NKX1-2: variants seen among roughly 807,000 people sequenced by gnomAD.
NKX1-2 encodes NK1 homeobox 2.
A neutral mutation model predicts 4.4 loss-of-function variants in NKX1-2; 1 was observed. The ratio of observed to expected loss-of-function variants is 0.23; its 90% CI spans 0.08 to 1.08. NKX1-2 has a LOEUF of 1.08. NKX1-2 is among the 50% of genes least tolerant of loss of function. The pLI, the probability that NKX1-2 is intolerant of heterozygous loss-of-function variation, is 0.55. For synonymous variants in NKX1-2, 235 were observed against 228.0 expected, an observed-to-expected ratio of 1.03 and a Z score of -0.28; for missense variants, 503 against 464.6, an observed-to-expected ratio of 1.08 and a Z score of -0.76.
In NKX1-2 at chr10:124,447,502, G is replaced by T. The variant is rs535091644; in HGVS notation, c.860C>A (p.Ala287Asp). 7.9e-7 allele frequency: 1 copy of T among 1,272,064 alleles called. No homozygotes were observed. Among genetic ancestry groups the T allele is most frequent in the Admixed American group, 4.1e-5 (1 of 24,318 alleles). The allele number at this position is 1,272,064 out of a possible 1,614,324, so 78.8% of individuals were successfully genotyped here. A position where few individuals can be genotyped will look rare whatever the true frequency, so the allele number is the denominator to read the frequency against. The change falls in exon 2 of 2, where the codon GCC becomes GAC. Residue 287 changes from alanine (A) to aspartate (D), a missense_variant. By Grantham distance (126) the Ala-to-Asp change is moderately radical (BLOSUM62 -2). Transcript: ENST00000451024. ...CGGCGCGAAAGGGCTCCCGGGGGCG[G>T]CAGCCGTCAGCGGGAAGGAGGCGGC... is the stretch of plus-strand genomic sequence containing the variant. ...PSAASFPLTAAAPGSPFAPFL... is the reference protein window; with the variant it reads ...PSAASFPLTADAPGSPFAPFL...
rs1383849167 is a variant in NKX1-2 at position 124,449,471 on chromosome 10, C to T, written c.214+259G>A. 4.4e-6 allele frequency: 3 copies of T among 687,668 alleles called. No individual in the cohort carries two copies. In the East Asian group the frequency reaches 8.3e-5, roughly 19 times the overall value. 42.6% of individuals were successfully genotyped at this position (687,668 alleles called of 1,614,324 possible). ...AGACAGGCGCCAGGTAAGTTTCCAC[C>T]GCGAGCATCAGAACTGTGGTGCGGG... On this transcript the variant is annotated intron_variant, in intron 1 of 1. Coordinates refer to ENST00000451024, the MANE Select transcript of NKX1-2 (RefSeq NM_001146340.3). The surrounding 1 kb of genome is among the most constrained non-coding windows in gnomAD (Gnocchi z 7.5).
rs1196472951 is a variant in NKX1-2 at position 124,449,598 on chromosome 10, C to A, written c.214+132G>T. 3.0e-5 allele frequency: 23 copies of A among 756,868 alleles called. No homozygotes were observed. Among genetic ancestry groups the A allele is most frequent in the Non-Finnish European group, 6.9e-6 (3 of 435,212 alleles). The allele number at this position is 756,868 out of a possible 1,614,324, so 46.9% of individuals were successfully genotyped here. On this transcript the variant is annotated intron_variant, in intron 1 of 1. Transcript: ENST00000451024. This position sits in a 1 kb window ranked among gnomAD's most constrained non-coding sequence, Gnocchi z 7.5. ...AGTCCGAGGCGGGGGCTACACTTCGCACCCGGTCCCGTGCGCCTTCTCTCT... is the reference window on the plus strand; with the variant it reads ...AGTCCGAGGCGGGGGCTACACTTCGAACCCGGTCCCGTGCGCCTTCTCTCT...
rs1381785290 is a variant in NKX1-2, at chr10:124,445,656, A to G, written c.*1773T>C. ...CCGAAGTGTAAGGTGAATATTATCT[A>G]GTAGAGTAACTGCATTTTTAATCTC... On this transcript the variant is annotated 3_prime_UTR_variant, in exon 2 of 2. Transcript: ENST00000451024. 15 of 152,248 alleles carry G rather than the reference A, an allele frequency of 9.9e-5. No individual in the cohort carries two copies. Among genetic ancestry groups the G allele is most frequent in the Non-Finnish European group, 2.9e-5 (2 of 68,044 alleles). 9.4% of individuals were successfully genotyped at this position (152,248 alleles called of 1,614,324 possible).
In NKX1-2 at chr10:124,449,613, G is replaced by A; in HGVS notation, c.214+117C>T. The A allele has an allele frequency of 1.2e-6, 1 of 805,488 alleles. No individual in the cohort carries two copies. The highest frequency in any genetic ancestry group is 2.1e-6 in the Non-Finnish European group (1 of 478,884). 49.9% of individuals were successfully genotyped at this position (805,488 alleles called of 1,614,324 possible). On this transcript the variant is annotated intron_variant, in intron 1 of 1. Transcript: ENST00000451024. This position sits in a 1 kb window ranked among gnomAD's most constrained non-coding sequence, Gnocchi z 7.5. ...CTACACTTCGCACCCGGTCCCGTGC[G>A]CCTTCTCTCTGAGGAAGACGCTGTT...
chr10:124,448,241 A>C lies in NKX1-2; in HGVS notation c.215-94T>G. On this transcript the variant is annotated intron_variant, in intron 1 of 1. Coordinates refer to ENST00000451024, the MANE Select transcript of NKX1-2 (RefSeq NM_001146340.3). The surrounding 1 kb of genome is among the most constrained non-coding windows in gnomAD (Gnocchi z 4.1). ...AGCAAGCAGCTGTCCCCCCAACCCA[A>C]CTCTGGGTGCTGCTCCTGTCCCCAC... 1 of 1,333,740 alleles carries C rather than the reference A, an allele frequency of 7.5e-7. No homozygotes were observed. Among genetic ancestry groups the C allele is most frequent in the Non-Finnish European group, 9.6e-7 (1 of 1,046,188 alleles). 82.6% of individuals were successfully genotyped at this position (1,333,740 alleles called of 1,614,324 possible). A position where few individuals can be genotyped will look rare whatever the true frequency, so the allele number is the denominator to read the frequency against.
Position 124,445,788 on chromosome 10 carries a change from C to T in NKX1-2, c.*1641G>A, listed in dbSNP as rs1952232868. On this transcript the variant is annotated 3_prime_UTR_variant, in exon 2 of 2. Transcript: ENST00000451024. Reference sequence around the variant, plus strand: ...GTGGATATTAAGTAATTAAATAATACATACTATCAAATATTATGAGAGTCA... The same window carrying T: ...GTGGATATTAAGTAATTAAATAATATATACTATCAAATATTATGAGAGTCA... The T allele has an allele frequency of 6.6e-6, 1 of 152,138 alleles. No individual in the cohort carries two copies. The highest frequency in any genetic ancestry group is 2.1e-4 in the South Asian group (1 of 4,826). 9.4% of individuals were successfully genotyped at this position (152,138 alleles called of 1,614,324 possible).
At position 124,447,943 on chromosome 10, in the gene NKX1-2, C is replaced by A. The variant is rs1411760207; in HGVS notation, c.419G>T (p.Arg140Met). 5 of 1,390,940 alleles carry A rather than the reference C, an allele frequency of 3.6e-6. No individual in the cohort carries two copies. The South Asian group carries it at 4.9e-5, about 14-fold the overall frequency. The allele number at this position is 1,390,940 out of a possible 1,614,324, so 86.2% of individuals were successfully genotyped here. Residue 140 changes from arginine (R) to methionine (M), a missense_variant, in exon 2 of 2, where the codon AGG becomes ATG. Transcript: ENST00000451024. ...PCEDGGGGPV[R>M]SPPGSPGSPR... ...GGAGCCGGGGGATCCCGGGGGGGAC[C>A]TCACAGGGCCGCCCCCGCCGTCCTC...
rs1952261892 is a variant in NKX1-2, at chr10:124,448,029, C to T, written c.333G>A (p.Leu111=). 1 of 1,515,404 alleles carries T rather than the reference C, an allele frequency of 6.6e-7. No homozygotes were observed. The highest frequency in any genetic ancestry group is 8.8e-7 in the Non-Finnish European group (1 of 1,137,248). 93.9% of individuals were successfully genotyped at this position (1,515,404 alleles called of 1,614,324 possible). The change falls in exon 2 of 2, where the codon CTG becomes CTA. Residue 111 remains leucine (L), a synonymous_variant. Transcript: ENST00000451024. This position sits in a 1 kb window ranked among gnomAD's most constrained non-coding sequence, Gnocchi z 4.1. ...PRLRERAARL[L]PGLARSPDAP... ...CGTCAGGTGAGCGCGCTAGGCCCGG[C>T]AGCAAGCGCGCAGCCCGCTCCCGCA...
Position 124,449,609 on chromosome 10 carries a change from G to A in NKX1-2, c.214+121C>T, listed in dbSNP as rs1221118479. On this transcript the variant is annotated intron_variant, in intron 1 of 1. Coordinates refer to ENST00000451024, the MANE Select transcript of NKX1-2 (RefSeq NM_001146340.3). This position sits in a 1 kb window ranked among gnomAD's most constrained non-coding sequence, Gnocchi z 7.5. The stretch of plus-strand genomic sequence containing the variant: ...GGGGCTACACTTCGCACCCGGTCCC[G>A]TGCGCCTTCTCTCTGAGGAAGACGC... 2.4e-5 allele frequency: 19 copies of A among 791,704 alleles called. No homozygotes were observed. The highest frequency in any genetic ancestry group is 2.3e-4 in the South Asian group (16 of 68,904). The allele number at this position is 791,704 out of a possible 1,614,324, so 49.0% of individuals were successfully genotyped here.
In NKX1-2 at chr10:124,447,898, C is replaced by T; in HGVS notation, c.464G>A (p.Arg155His). ...SPGSPRPRRR[R>H]LEPNCAKPRR... The stretch of plus-strand genomic sequence containing the variant: ...CGGCTTGGCGCAGTTGGGCTCCAGG[C>T]GCCGGCGCCTGGGACGCGGGGAGCC... Residue 155 changes from arginine to histidine, a missense_variant, in exon 2 of 2, where the codon CGC (arginine) becomes CAC (histidine). By Grantham distance (29) the Arg-to-His change is conservative. Coordinates refer to ENST00000451024, the MANE Select transcript of NKX1-2 (RefSeq NM_001146340.3). 2 of 1,415,666 alleles carry T rather than the reference C, an allele frequency of 1.4e-6. No homozygotes were observed. The highest frequency in any genetic ancestry group is 1.9e-6 in the Non-Finnish European group (2 of 1,079,900). 87.7% of individuals were successfully genotyped at this position (1,415,666 alleles called of 1,614,324 possible).
Position 124,447,989 on chromosome 10 carries a change from A to G in NKX1-2, c.373T>C (p.Leu125=). ...TCCTCGCAGGGCTCCCCAGACGCCA[A>G]TGCCCCGGCCGGGGCGTCAGGTGAG... ...ARSPDAPAGA[L]ASGEPCEDGG... is the part of the protein sequence containing the mutation. Residue 125 remains leucine, a synonymous_variant, in exon 2 of 2, where the codon TTG becomes CTG. Transcript: ENST00000451024. The G allele has an allele frequency of 6.7e-7, 1 of 1,483,904 alleles. No individual in the cohort carries two copies. The allele number at this position is 1,483,904 out of a possible 1,614,324, so 91.9% of individuals were successfully genotyped here. A position where few individuals can be genotyped will look rare whatever the true frequency, so the allele number is the denominator to read the frequency against.
In NKX1-2 at chr10:124,446,230, TG is replaced by T. The variant is rs1329546919; in HGVS notation, c.*1198del. The T allele has an allele frequency of 6.6e-6, 1 of 152,216 alleles. No homozygotes were observed. The highest frequency in any genetic ancestry group is 1.5e-5 in the Non-Finnish European group (1 of 68,038). The allele number at this position is 152,216 out of a possible 1,614,324, so 9.4% of individuals were successfully genotyped here. A position where few individuals can be genotyped will look rare whatever the true frequency, so the allele number is the denominator to read the frequency against. Reference sequence around the variant, plus strand: ...AAGCAGCAGTTAAAATGCATGTCCATGTATCAGATTCCTGGAGGTGAATCCA... The same window carrying T: ...AAGCAGCAGTTAAAATGCATGTCCATTATCAGATTCCTGGAGGTGAATCCA... On this transcript the variant is annotated 3_prime_UTR_variant, in exon 2 of 2. Coordinates refer to ENST00000451024, the MANE Select transcript of NKX1-2 (RefSeq NM_001146340.3).
rs912711869 is a variant in NKX1-2, at chr10:124,445,455, C to T, written c.*1974G>A. On this transcript the variant is annotated 3_prime_UTR_variant, in exon 2 of 2. Transcript: ENST00000451024. ...CAGCCTCCCACCTCTCTCCCTATTC[C>T]CTCTCTTCTACTGAAGTCCATGATT... The T allele has an allele frequency of 7.2e-5, 11 of 152,208 alleles. No homozygotes were observed. Among genetic ancestry groups the T allele is most frequent in the African/African-American group, 2.4e-4 (10 of 41,442 alleles). 9.4% of individuals were successfully genotyped at this position (152,208 alleles called of 1,614,324 possible).
Position 124,445,765 on chromosome 10 carries a change from G to T in NKX1-2, c.*1664C>A, listed in dbSNP as rs978233741. The T allele has an allele frequency of 3.3e-5, 5 of 152,072 alleles. No homozygotes were observed. In the East Asian group the frequency reaches 7.7e-4, roughly 24 times the overall value. 9.4% of individuals were successfully genotyped at this position (152,072 alleles called of 1,614,324 possible). ...TTAGAAGGAAAAGAGTCTAATTAGT[G>T]GATATTAAGTAATTAAATAATACAT... On this transcript the variant is annotated 3_prime_UTR_variant, in exon 2 of 2. Transcript: ENST00000451024.
In NKX1-2 at chr10:124,446,609, C is replaced by T. The variant is rs1310905844; in HGVS notation, c.*820G>A. The T allele has an allele frequency of 6.6e-6, 1 of 152,228 alleles. No homozygotes were observed. The highest frequency in any genetic ancestry group is 1.5e-5 in the Non-Finnish European group (1 of 68,052). 9.4% of individuals were successfully genotyped at this position (152,228 alleles called of 1,614,324 possible). On this transcript the variant is annotated 3_prime_UTR_variant, in exon 2 of 2. Transcript: ENST00000451024. The stretch of plus-strand genomic sequence containing the variant: ...CTTCATGATATTAGTTGAGCCATCG[C>T]TGCCTTCATTATCATTTTTATGCCT...
In NKX1-2 at chr10:124,448,073, C is replaced by G. The variant is rs1052094935; in HGVS notation, c.289G>C (p.Asp97His). The G allele has an allele frequency of 1.6e-5, 25 of 1,522,562 alleles. No individual in the cohort carries two copies. In the African/African-American group the frequency reaches 3.1e-4, roughly 19 times the overall value. The allele number at this position is 1,522,562 out of a possible 1,614,324, so 94.3% of individuals were successfully genotyped here. A position where few individuals can be genotyped will look rare whatever the true frequency, so the allele number is the denominator to read the frequency against. Residue 97 changes from aspartate to histidine, a missense_variant, in exon 2 of 2, where the codon GAT (aspartate) becomes CAT (histidine). Physicochemically the swap from Asp to His is moderately conservative, Grantham distance 81. Transcript: ENST00000451024. This position sits in a 1 kb window ranked among gnomAD's most constrained non-coding sequence, Gnocchi z 4.1. ...TCCCGCAGCCGCGGCCTCCTCGGATCCTCCGCATCCTCCTCCTCTTCCGCC... is the reference window on the plus strand; with the variant it reads ...TCCCGCAGCCGCGGCCTCCTCGGATGCTCCGCATCCTCCTCCTCTTCCGCC... ...SEAEEEEDAE[D>H]PRRPRLRERA...
Position 124,448,229 on chromosome 10 carries a change from C to T in NKX1-2, c.215-82G>A. The T allele has an allele frequency of 1.5e-6, 2 of 1,349,200 alleles. No homozygotes were observed. Among genetic ancestry groups the T allele is most frequent in the Non-Finnish European group, 1.9e-6 (2 of 1,054,818 alleles). The allele number at this position is 1,349,200 out of a possible 1,614,324, so 83.6% of individuals were successfully genotyped here. On this transcript the variant is annotated intron_variant, in intron 1 of 1. Coordinates refer to ENST00000451024, the MANE Select transcript of NKX1-2 (RefSeq NM_001146340.3). The surrounding 1 kb of genome is among the most constrained non-coding windows in gnomAD (Gnocchi z 4.1). ...CGTCCTCCCTAGAGCAAGCAGCTGTCCCCCCAACCCAACTCTGGGTGCTGC... is the reference window on the plus strand; with the variant it reads ...CGTCCTCCCTAGAGCAAGCAGCTGTTCCCCCAACCCAACTCTGGGTGCTGC...
Position 124,449,515 on chromosome 10 carries a change from A to G in NKX1-2, c.214+215T>C. 2 of 698,028 alleles carry G rather than the reference A, an allele frequency of 2.9e-6. No individual in the cohort carries two copies. Among genetic ancestry groups the G allele is most frequent in the Non-Finnish European group, 5.2e-6 (2 of 382,604 alleles). The allele number at this position is 698,028 out of a possible 1,614,324, so 43.2% of individuals were successfully genotyped here. A position where few individuals can be genotyped will look rare whatever the true frequency, so the allele number is the denominator to read the frequency against. On this transcript the variant is annotated intron_variant, in intron 1 of 1. Transcript: ENST00000451024. The surrounding 1 kb of genome is among the most constrained non-coding windows in gnomAD (Gnocchi z 7.5). Reference sequence around the variant, plus strand: ...GTGCGGGTGAGCTTGGCGGGTGAGCAGGGATGCGGCAAATCCCTGCCCTGT... The same window carrying G: ...GTGCGGGTGAGCTTGGCGGGTGAGCGGGGATGCGGCAAATCCCTGCCCTGT...
chr10:124,448,364 C>A lies in NKX1-2; in HGVS notation c.215-217G>T. Reference sequence around the variant, plus strand: ...ACAAATCTGCCATCAAGTAGGCGTCCAAGAAATGTACGCCAAATGAATGAA... The same window carrying A: ...ACAAATCTGCCATCAAGTAGGCGTCAAAGAAATGTACGCCAAATGAATGAA... On this transcript the variant is annotated intron_variant, in intron 1 of 1. Coordinates refer to ENST00000451024, the MANE Select transcript of NKX1-2 (RefSeq NM_001146340.3). The surrounding 1 kb of genome is among the most constrained non-coding windows in gnomAD (Gnocchi z 4.1). 3.2e-6 allele frequency: 2 copies of A among 618,856 alleles called. No homozygotes were observed. Among genetic ancestry groups the A allele is most frequent in the Non-Finnish European group, 4.7e-6 (2 of 425,442 alleles). 38.3% of individuals were successfully genotyped at this position (618,856 alleles called of 1,614,324 possible). A position where few individuals can be genotyped will look rare whatever the true frequency, so the allele number is the denominator to read the frequency against.
Sources: allele counts gnomAD v4.1 joint callset, GRCh38; gene constraint gnomAD v4.1.1; non-coding constraint Gnocchi (gnomAD v3.1); transcripts MANE v1.5; gene names NCBI Gene and HGNC (gene_info 2026-07-23, HGNC 2026-07-21).